Variants in NEK7 observed in about 807,000 individuals in gnomAD.
The protein encoded by NEK7 is serine/threonine-protein kinase Nek7.
A neutral mutation model predicts 44.6 loss-of-function variants in NEK7; 18 were observed. The ratio of observed to expected loss-of-function variants is 0.40; its 90% CI spans 0.28 to 0.60. The LOEUF is 0.60. Among genes scored for constraint, NEK7 ranks in the 20% least tolerant of loss-of-function variants. NEK7 has a pLI of 0.38. For synonymous variants in NEK7, 130 were observed against 121.1 expected (o/e 1.07, Z -0.48); for missense variants, 256 against 366.5 (o/e 0.70, Z 2.46).
chr1:198,164,575 G>A (rs1664208907), intron 1 of NEK7, among the ~76,000 whole-genome samples: 1 of 152,178 alleles, frequency 6.6e-6, no homozygotes, highest in African/African-American at 2.4e-5. Context: ...CTATACTGTA[G>A]TCTATACAGT....
chr1:198,303,552 A>T (rs1161082957), intron 9 of NEK7, among the ~76,000 whole-genome samples: 2 of 152,108 alleles, frequency 1.3e-5, no homozygotes, highest in Non-Finnish European at 2.9e-5. Context: ...AGTTAAATTA[A>T]GTTTATAAAA....
At chr1:198,235,332 T>G (rs544154089) in intron 2 of NEK7, among the ~76,000 whole-genome samples, 66 of 152,244 alleles carry the variant, frequency 4.3e-4, no homozygotes, top group Admixed American at 2.0e-3. Flanking sequence ...TCTTTATTAA[T>G]GTATTTTGAA....
At chr1:198,314,935 T>C (rs572065598) in intron 9 of NEK7, among the ~76,000 whole-genome samples, 66 of 152,280 alleles carry the variant, frequency 4.3e-4, no homozygotes, top group East Asian at 1.2e-3. Context: ...GGCAGGCAGG[T>C]CTCCTTGAGC....
chr1:198,252,527 A>ACT (rs1653053934), intron 2 of NEK7, among the ~76,000 whole-genome samples: 1 of 12,622 alleles, frequency 7.9e-5, no homozygotes, highest in Non-Finnish European at 1.6e-4. Flanking sequence ...TATCTCACAT[A>ACT]CTATATATAT....
intron 1 of NEK7, among the ~76,000 whole-genome samples, chr1:198,212,151 G>T (rs943946229): frequency 6.6e-6 from 1 of 151,880 alleles, no homozygotes; most frequent in Non-Finnish European, 1.5e-5. Flanking sequence ...CTCAGGCTCC[G>T]GTCACAGGTT....
At chr1:198,264,039 G>T in intron 4 of NEK7, 86 bp from the exon 5 acceptor site, 1 of 1,350,206 alleles carries the variant, frequency 7.4e-7, no homozygotes, top group Non-Finnish European at 9.8e-7. Context: ...AAAATACGGT[G>T]AAGTTTGTTC....
At chr1:198,203,319 A>G (rs1290562992) in intron 1 of NEK7, among the ~76,000 whole-genome samples, 1 of 152,230 alleles carries the variant, frequency 6.6e-6, no homozygotes, top group East Asian at 1.9e-4. Context: ...CTTTTGTATA[A>G]TGAAGAGGAA....
chr1:198,214,786 C>T (rs1025362867), intron 1 of NEK7, among the ~76,000 whole-genome samples: 4 of 152,094 alleles, frequency 2.6e-5, no homozygotes, highest in Non-Finnish European at 5.9e-5. Context: ...ACTTCTCCAG[C>T]TTTATTAGAT....
At chr1:198,170,348 C>T (rs947359659) in intron 1 of NEK7, among the ~76,000 whole-genome samples, 22 of 151,952 alleles carry the variant, frequency 1.4e-4, no homozygotes, top group Admixed American at 4.6e-4. Flanking sequence ...GTTAGAGGCT[C>T]GAGCAACAGG....
chr1:198,286,129 A>G (rs1258984831), intron 7 of NEK7, among the ~76,000 whole-genome samples: 1 of 152,158 alleles, frequency 6.6e-6, no homozygotes, highest in Non-Finnish European at 1.5e-5. Flanking sequence ...ATAATAAAAA[A>G]TAGTTACTTA....
chr1:198,316,427 G>A (rs577031982), intron 9 of NEK7, among the ~76,000 whole-genome samples: 1 of 152,302 alleles, frequency 6.6e-6, no homozygotes, highest in South Asian at 2.1e-4. Context: ...AATGGAGAAG[G>A]ATACTGTCAG....
intron 1 of NEK7, among the ~76,000 whole-genome samples, chr1:198,193,197 A>G (rs1189254845): frequency 6.6e-6 from 1 of 152,192 alleles, no homozygotes; most frequent in Non-Finnish European, 1.5e-5. Context: ...CACATAAACT[A>G]GAAAATCTAG....
chr1:198,160,215 CCTGAGA>C (rs1664062718), intron 1 of NEK7, among the ~76,000 whole-genome samples: 1 of 152,000 alleles, frequency 6.6e-6, no homozygotes, highest in Non-Finnish European at 1.5e-5. Context: ...GAGAACTGGG[CCTGAGA>C]GCAGGGCCCA....
chr1:198,191,112 G>A (rs945846719), intron 1 of NEK7, among the ~76,000 whole-genome samples: 7 of 151,908 alleles, frequency 4.6e-5, no homozygotes, highest in Non-Finnish European at 8.8e-5. Context: ...CTTTAATCCC[G>A]CTGGGTCCTG....
intron 2 of NEK7, 84 bp from the exon 3 acceptor site, chr1:198,252,956 C>T: frequency 8.7e-7 from 1 of 1,151,158 alleles, no homozygotes; most frequent in Non-Finnish European, 1.3e-6. Flanking sequence ...TATGTGTCAC[C>T]TACATATATG....
intron 2 of NEK7, among the ~76,000 whole-genome samples, chr1:198,235,327 A>G (rs748203466): frequency 4.6e-5 from 7 of 151,948 alleles, no homozygotes; most frequent in Admixed American, 4.6e-4. Flanking sequence ...ATGTTTCTTT[A>G]TTAATGTATT....
intron 3 of NEK7, chr1:198,256,400 G>A (rs1653265580): frequency 1.2e-6 from 2 of 1,611,860 alleles, no homozygotes; most frequent in Non-Finnish European, 1.7e-6. Flanking sequence ...AATCATAAAG[G>A]GATCTGAGAG....
intron 3 of NEK7, among the ~76,000 whole-genome samples, chr1:198,253,962 C>G (rs1268117255): frequency 6.6e-6 from 1 of 152,158 alleles, no homozygotes; most frequent in Non-Finnish European, 1.5e-5. Flanking sequence ...TACACTTTTA[C>G]TTCCCTTTTT....
At chr1:198,284,166 A>G (rs981109777) in intron 7 of NEK7, among the ~76,000 whole-genome samples, 1 of 152,154 alleles carries the variant, frequency 6.6e-6, no homozygotes, top group African/African-American at 2.4e-5. Context: ...TTCGTATTCT[A>G]AAGTTGAGAA....
Sources: gnomAD v4.1 joint callset for allele counts (sites outside exome capture counted in the v4.1 genomes callset) on GRCh38, gnomAD v4.1.1 for gene constraint, MANE v1.5 for transcripts, NCBI Gene and HGNC (gene_info 2026-07-23, HGNC 2026-07-21) for gene names.